The following MEI1 variants were observed in gnomAD, a reference collection of about 807,000 sequenced individuals.
The protein encoded by MEI1 is meiotic double-stranded break formation protein 1.
A neutral mutation model predicts 146.2 loss-of-function variants in MEI1; 103 were observed. The ratio of observed to expected loss-of-function variants is 0.70; its 90% CI spans 0.60 to 0.83. MEI1 has a LOEUF of 0.83. Ranked by LOEUF, MEI1 falls within the 40% of genes least tolerant of loss-of-function variation. MEI1 has a pLI of 0.00. For synonymous variants in MEI1, 652 were observed against 628.2 expected, an observed-to-expected ratio of 1.04 and a Z score of -0.57; for missense variants, 1,529 against 1,533.0, an observed-to-expected ratio of 1.00 and a Z score of 0.04.
At position 41,743,192 on chromosome 22, in the gene MEI1, C is replaced by G. The variant is rs749397929; in HGVS notation, c.1444C>G (p.Leu482Val). Reference protein sequence around the residue: ...FSQTLLSRRPLGHASSRDSEK... With the variant: ...FSQTLLSRRPVGHASSRDSEK... ...CCAGACCTTGCTGAGCAGGAGGCCC[C>G]TGGTCAGTGTACTGCAGCCTGCTGC... is the stretch of plus-strand genomic sequence containing the variant. Residue 482 changes from leucine to valine, a missense_variant and splice_region_variant, in exon 12 of 31, where the codon CTG becomes GTG. Physicochemically the swap from Leu to Val is conservative, Grantham distance 32. This residue lies in a region of MEI1 where 1,212 missense variants were observed against 1,178.9 expected (regional missense o/e 1.03). Transcript: ENST00000401548. The G allele has an allele frequency of 1.2e-6, 2 of 1,611,230 alleles. No individual in the cohort carries two copies. The highest frequency in any genetic ancestry group is 3.3e-5 in the Admixed American group (2 of 59,958).
Position 41,758,509 on chromosome 22 carries a change from A to C in MEI1, c.2096A>C (p.Tyr699Ser). The C allele has an allele frequency of 1.9e-6, 3 of 1,613,330 alleles. No individual in the cohort carries two copies. Among genetic ancestry groups the C allele is most frequent in the Non-Finnish European group, 1.7e-6 (2 of 1,179,562 alleles). ...CAGTACTGCATCCTGCTCCTCTTCT[A>C]CTTGGCCTACATCCATGAAGACAGG... ...QRQYCILLLF[Y>S]LAYIHEDRFV... The change falls in exon 18 of 31, where the codon TAC (tyrosine) becomes TCC (serine). Residue 699 changes from tyrosine to serine, a missense_variant. Physicochemically the swap from Tyr to Ser is moderately radical, Grantham distance 144. Coordinates refer to ENST00000401548, the MANE Select transcript of MEI1 (RefSeq NM_152513.4).
In MEI1 at chr22:41,775,059, A is replaced by C. The variant is rs147625989; in HGVS notation, c.2545-1043A>C. On this transcript the variant is annotated intron_variant, in intron 20 of 30. Coordinates refer to ENST00000401548, the MANE Select transcript of MEI1 (RefSeq NM_152513.4). ...TCAGTCCTAACTGGCCCAGCGCATT[A>C]GCCTGTCCAAAGGAATTGGCTTCTT... Among the ~76,000 whole-genome samples the C allele has an allele frequency of 1.2e-3, 181 of 152,334 alleles. 1 individual carries two copies. The highest frequency in any genetic ancestry group is 4.3e-3 in the African/African-American group (177 of 41,576).
intron 28 of MEI1, 103 bp downstream of exon 28, chr22:41,794,580 A>G: frequency 1.1e-6 from 1 of 925,170 alleles, no homozygotes; most frequent in Non-Finnish European, 1.7e-6. Flanking sequence ...ATCCTTAAAG[A>G]AGGTGGAAGG....
Position 41,757,093 on chromosome 22 carries a change from C to G in MEI1, c.1952-1272C>G, listed in dbSNP as rs139394475. The stretch of plus-strand genomic sequence containing the variant: ...TCTCCTCACCCTCCACAGTTTGTTT[C>G]TTTCTTTCTTTCTTTTTTTGAGACG... On this transcript the variant is annotated intron_variant, in intron 17 of 30. Transcript: ENST00000401548. 5.5e-3 allele frequency among the ~76,000 whole-genome samples: 835 copies of G among 152,106 alleles called. 15 individuals are homozygous for G. In the East Asian group the frequency reaches 0.068, roughly 12 times the overall value.
intron 13 of MEI1, 147 bp downstream of exon 13, chr22:41,745,211 G>GGT (rs2073197565): frequency 3.7e-6 from 2 of 536,932 alleles, no homozygotes; most frequent in Admixed American, 3.8e-5. Flanking sequence ...AGGGGTTGGG[G>GGT]GTGTGTGGAG....
Position 41,699,707 on chromosome 22 carries a change from G to T in MEI1, c.169G>T (p.Val57Leu). The stretch of plus-strand genomic sequence containing the variant: ...GCTGGAGCTGCTGCCGGACCCCGGC[G>T]TGTCGGTGCGGGCGGAACCTTTTCT... ...CALELLPDPG[V>L]SLVRKKHMLS... The change falls in exon 1 of 31, where the codon GTG becomes TTG. Residue 57 changes from valine (V) to leucine (L), a missense_variant. By Grantham distance (32) the Val-to-Leu change is conservative. Coordinates refer to ENST00000401548, the MANE Select transcript of MEI1 (RefSeq NM_152513.4). The T allele has an allele frequency of 6.4e-7, 1 of 1,570,508 alleles. No individual in the cohort carries two copies. The highest frequency in any genetic ancestry group is 1.2e-5 in the South Asian group (1 of 86,360).
chr22:41,766,115 T>C (rs556239353), intron 19 of MEI1, among the ~76,000 whole-genome samples: 2 of 152,096 alleles, frequency 1.3e-5, no homozygotes, highest in East Asian at 3.9e-4. Flanking sequence ...ATGGTCTTGA[T>C]CTGCCCGCCT....
At chr22:41,756,292 G>A (rs1224259583) in intron 17 of MEI1, among the ~76,000 whole-genome samples, 2 of 151,850 alleles carry the variant, frequency 1.3e-5, no homozygotes, top group Admixed American at 6.6e-5. Context: ...ATGTCACCAT[G>A]CCCAGGTGAT....
At chr22:41,713,900 C>A in intron 3 of MEI1, 102 bp from the exon 4 acceptor site, 2 of 925,240 alleles carry the variant, frequency 2.2e-6, no homozygotes, top group South Asian at 1.5e-5. Flanking sequence ...CCAATTAGCC[C>A]AGGCAAATCA....
chr22:41,755,786 G>C (rs1254649520), intron 17 of MEI1, among the ~76,000 whole-genome samples: 1 of 152,168 alleles, frequency 6.6e-6, no homozygotes, highest in Non-Finnish European at 1.5e-5. Flanking sequence ...ATATTGATGA[G>C]AGCATGCTTT....
intron 9 of MEI1, among the ~76,000 whole-genome samples, chr22:41,731,821 T>C (rs527419214): frequency 6.5e-4 from 99 of 152,264 alleles, no homozygotes; most frequent in Admixed American, 1.8e-3. Flanking sequence ...GAAATTTCAT[T>C]ATGAGCTGAT....
In MEI1 at chr22:41,723,997, A is replaced by G; in HGVS notation, c.788A>G (p.Gln263Arg). ...YDLFVSMIMNQDGLGESAKNI... is the reference protein window; with the variant it reads ...YDLFVSMIMNRDGLGESAKNI... ...CTCTTTGTGTCCATGATCATGAACC[A>G]GGATGGACTGGGAGAAAGTGCTAAG... The change falls in exon 7 of 31, where the codon CAG becomes CGG. Residue 263 changes from glutamine (Q) to arginine (R), a missense_variant. Around this residue, in one of 3 missense-constraint regions of MEI1, gnomAD observed 1,212 missense variants for 1,178.9 expected, o/e 1.03. Transcript: ENST00000401548. 1 of 1,613,190 alleles carries G rather than the reference A, an allele frequency of 6.2e-7. No homozygotes were observed. Among genetic ancestry groups the G allele is most frequent in the South Asian group, 1.1e-5 (1 of 90,808 alleles).
At chr22:41,759,082 G>T (rs1403226275) in intron 18 of MEI1, among the ~76,000 whole-genome samples, 2 of 152,220 alleles carry the variant, frequency 1.3e-5, no homozygotes, top group Non-Finnish European at 2.9e-5. Context: ...GACAGAGGTT[G>T]CAGTGAGCCA....
chr22:41,769,040 C>G (rs188616249), intron 19 of MEI1, among the ~76,000 whole-genome samples: 116 of 152,020 alleles, frequency 7.6e-4, no homozygotes, highest in African/African-American at 2.7e-3. Context: ...TATCAAAATC[C>G]CAATTGTACT....
At chr22:41,750,079 G>A (rs563486133) in intron 15 of MEI1, among the ~76,000 whole-genome samples, 1 of 152,206 alleles carries the variant, frequency 6.6e-6, no homozygotes, top group Non-Finnish European at 1.5e-5. Flanking sequence ...GGCACCTACT[G>A]CATGCAAGAT....
chr22:41,736,457 G>T (rs2072378914), intron 11 of MEI1, among the ~76,000 whole-genome samples: 1 of 151,914 alleles, frequency 6.6e-6, no homozygotes, highest in African/African-American at 2.4e-5. Context: ...GTTTCACCGT[G>T]TTAGCCAGGA....
chr22:41,758,322 C>T (rs1468579868), intron 17 of MEI1, 43 bp from the exon 18 acceptor site: 3 of 1,585,534 alleles, frequency 1.9e-6, no homozygotes, highest in South Asian at 1.1e-5. Context: ...ACCTGTTCTT[C>T]TATGTTCTCT....
At chr22:41,798,955 G>T (rs2076477547) in intron 30 of MEI1, among the ~76,000 whole-genome samples, 1 of 151,828 alleles carries the variant, frequency 6.6e-6, no homozygotes. Flanking sequence ...TGCACCCAGA[G>T]ACACTGCAGT....
intron 21 of MEI1, 93 bp from the exon 22 acceptor site, chr22:41,778,615 T>C (rs937010916): frequency 9.8e-6 from 9 of 922,574 alleles, no homozygotes; most frequent in Non-Finnish European, 3.4e-6. Flanking sequence ...ACTTTGAACC[T>C]GTTATTAAGG....
Sources: gnomAD v4.1 joint callset for allele counts (sites outside exome capture counted in the v4.1 genomes callset) on GRCh38, gnomAD v4.1.1 for gene constraint, gnomAD v4.1.1 regional missense constraint, MANE v1.5 for transcripts, NCBI Gene and HGNC (gene_info 2026-07-23, HGNC 2026-07-21) for gene names.